TOX2: variants seen among roughly 807,000 people sequenced by gnomAD.
TOX2 encodes the protein granulosa cell HMG box 1.
A neutral mutation model predicts 47.4 loss-of-function variants in TOX2; 15 were observed. That is an observed-to-expected ratio of 0.32 (90% CI 0.21 to 0.49). The LOEUF (loss-of-function observed/expected upper bound fraction) is 0.49, where lower values mean the gene tolerates loss of function less well. Ranked by LOEUF, TOX2 falls within the 20% of genes least tolerant of loss-of-function variation. The pLI, the probability that TOX2 is intolerant of heterozygous loss-of-function variation, is 0.99. For synonymous variants in TOX2, 290 were observed against 296.6 expected (o/e 0.98, Z 0.23); for missense variants, 622 against 673.1 (o/e 0.92, Z 0.84).
chr20:44,016,227 T>C (rs2070876439), intron 3 of TOX2, among the ~76,000 whole-genome samples: 1 of 151,788 alleles, frequency 6.6e-6, no homozygotes, highest in South Asian at 2.1e-4. Context: ...ACCATTAGGG[T>C]GCCTATTTTT....
intron 2 of TOX2, among the ~76,000 whole-genome samples, chr20:43,995,214 G>A (rs2070450676): frequency 6.6e-6 from 1 of 152,150 alleles, no homozygotes; most frequent in Non-Finnish European, 1.5e-5. Flanking sequence ...CTCCAGATCT[G>A]ATGTATGGTG....
intron 2 of TOX2, among the ~76,000 whole-genome samples, chr20:43,998,189 A>T (rs2070511340): frequency 6.6e-6 from 1 of 152,214 alleles, no homozygotes; most frequent in South Asian, 2.1e-4. Context: ...GTGAGAACTT[A>T]CTTACTGTCA....
chr20:44,038,625 T>A (rs1048208532), intron 3 of TOX2, among the ~76,000 whole-genome samples: 7 of 151,630 alleles, frequency 4.6e-5, no homozygotes, highest in African/African-American at 7.3e-5. Flanking sequence ...AATAAAAAAA[T>A]TTAATTGTGG....
chr20:44,026,712 A>G (rs2145672562), intron 3 of TOX2, among the ~76,000 whole-genome samples: 1 of 152,036 alleles, frequency 6.6e-6, no homozygotes, highest in Admixed American at 6.5e-5. Context: ...CCCCTTCATC[A>G]ATTAAATTGT....
At chr20:44,016,068 A>G (rs2070873601) in intron 3 of TOX2, among the ~76,000 whole-genome samples, 1 of 151,906 alleles carries the variant, frequency 6.6e-6, no homozygotes, top group East Asian at 1.9e-4. Flanking sequence ...TTTCTTTGGA[A>G]CCAGGGACAC....
intron 3 of TOX2, among the ~76,000 whole-genome samples, chr20:44,041,663 C>T (rs1475966894): frequency 6.6e-6 from 1 of 152,166 alleles, no homozygotes; most frequent in East Asian, 1.9e-4. Context: ...AAAGGTCCGA[C>T]TATATATTGA....
Position 43,973,458 on chromosome 20 carries a change from G to T in TOX2, c.165+26G>T, listed in dbSNP as rs372660898. 3.7e-6 allele frequency: 6 copies of T among 1,612,610 alleles called. No homozygotes were observed. The South Asian group carries it at 5.5e-5, about 15-fold the overall frequency. On this transcript the variant is annotated intron_variant, in intron 2 of 8. Coordinates refer to ENST00000341197, the MANE Select transcript of TOX2 (RefSeq NM_001098797.2). Reference sequence around the variant, plus strand: ...GTGGGTGCCTCATCCTCCCTGAACGGGTGTCTTAAGATTTGGGCTGGCTGG... The same window carrying T: ...GTGGGTGCCTCATCCTCCCTGAACGTGTGTCTTAAGATTTGGGCTGGCTGG...
intron 1 of TOX2, among the ~76,000 whole-genome samples, chr20:43,963,271 C>G (rs2069793280): frequency 6.6e-6 from 1 of 152,186 alleles, no homozygotes; most frequent in African/African-American, 2.4e-5. Flanking sequence ...CCCTCGATGC[C>G]TTTTATTGAC....
intron 1 of TOX2, among the ~76,000 whole-genome samples, chr20:43,951,348 G>A (rs949962087): frequency 2.6e-5 from 4 of 152,264 alleles, no homozygotes; most frequent in African/African-American, 7.2e-5. Context: ...GCTGAGGCGG[G>A]TGGATCACTT....
chr20:43,990,081 G>T (rs1180703704), intron 2 of TOX2, among the ~76,000 whole-genome samples: 1 of 152,136 alleles, frequency 6.6e-6, no homozygotes, highest in Non-Finnish European at 1.5e-5. Flanking sequence ...CATCTCTGTG[G>T]CTCCTCTGTG....
At chr20:43,977,031 C>T (rs2070092065) in intron 2 of TOX2, among the ~76,000 whole-genome samples, 1 of 152,186 alleles carries the variant, frequency 6.6e-6, no homozygotes, top group African/African-American at 2.4e-5. Context: ...TATTGGACAC[C>T]TGTTATATGC....
At chr20:44,025,216 A>C (rs928836687) in intron 3 of TOX2, among the ~76,000 whole-genome samples, 1 of 152,132 alleles carries the variant, frequency 6.6e-6, no homozygotes, top group South Asian at 2.1e-4. Context: ...AGAGATGTTA[A>C]GGCAGACAGA....
In TOX2 at chr20:43,930,131, A is replaced by G. The variant is rs374712469; in HGVS notation, c.99+15141A>G. 9.2e-5 allele frequency among the ~76,000 whole-genome samples: 14 copies of G among 152,218 alleles called. No homozygotes were observed. In the East Asian group the frequency reaches 1.7e-3, roughly 19 times the overall value. On this transcript the variant is annotated intron_variant, in intron 1 of 8. Transcript: ENST00000341197. ...TTATTTTGTTTACCATTGCATCCCC[A>G]TGGTGTCTGACCTATAGTAGGTGCT...
At chr20:43,954,822 G>T (rs1257932924) in intron 1 of TOX2, among the ~76,000 whole-genome samples, 1 of 152,178 alleles carries the variant, frequency 6.6e-6, no homozygotes, top group Non-Finnish European at 1.5e-5. Flanking sequence ...ACCTGGGTTT[G>T]GATCCCAGCT....
chr20:43,989,376 A>G (rs2070328432), intron 2 of TOX2, among the ~76,000 whole-genome samples: 1 of 152,216 alleles, frequency 6.6e-6, no homozygotes, highest in South Asian at 2.1e-4. Flanking sequence ...TCAACATGGA[A>G]GCTCAGCATC....
intron 2 of TOX2, among the ~76,000 whole-genome samples, chr20:43,998,767 CTATT>C (rs1474565527): frequency 3.9e-5 from 5 of 127,508 alleles, no homozygotes; most frequent in Admixed American, 1.6e-4. Flanking sequence ...ATCTATCTAT[CTATT>C]TATTTTAAGA....
At chr20:43,944,624 C>T (rs1254640426) in intron 1 of TOX2, among the ~76,000 whole-genome samples, 2 of 152,200 alleles carry the variant, frequency 1.3e-5, no homozygotes, top group African/African-American at 2.4e-5. Flanking sequence ...ATTCCCAGGC[C>T]GTTCTCTCTG....
At chr20:44,036,646 T>G (rs112600198) in intron 3 of TOX2, among the ~76,000 whole-genome samples, 2,136 of 152,354 alleles carry the variant, frequency 0.014, 22 homozygotes, top group Middle Eastern at 0.024. Context: ...CCTCTGCCCA[T>G]TTTTGTAAAT....
At chr20:43,939,525 G>A (rs912699406) in intron 1 of TOX2, among the ~76,000 whole-genome samples, 6 of 152,326 alleles carry the variant, frequency 3.9e-5, no homozygotes, top group Admixed American at 1.3e-4. Flanking sequence ...AGAGTAGGAC[G>A]GATGCCAAGA....
Sources: allele counts gnomAD v4.1 joint callset (sites outside exome capture counted in the v4.1 genomes callset), GRCh38; gene constraint gnomAD v4.1.1; transcripts MANE v1.5; gene names NCBI Gene and HGNC (gene_info 2026-07-23, HGNC 2026-07-21).